RARS2: variants seen among roughly 807,000 people sequenced by gnomAD.
The protein encoded by RARS2 is arginyl-tRNA synthetase 2, mitochondrial.
A neutral mutation model predicts 88.5 loss-of-function variants in RARS2; 67 were observed. That is an observed-to-expected ratio of 0.76 (90% CI 0.62 to 0.93). The LOEUF (loss-of-function observed/expected upper bound fraction) is 0.93, where lower values mean the gene tolerates loss of function less well. Ranked by LOEUF, RARS2 falls within the 40% of genes least tolerant of loss-of-function variation. The pLI, the probability that RARS2 is intolerant of heterozygous loss-of-function variation, is 0.00. For missense variants in RARS2, 664 were observed against 684.2 expected (o/e 0.97, Z 0.33); for synonymous variants, 239 against 230.3 (o/e 1.04, Z -0.34).
Position 87,564,178 on chromosome 6 carries a change from G to A in RARS2, c.165C>T (p.Asp55=). Residue 55 remains aspartate, a synonymous_variant, in exon 3 of 20, where the codon GAC becomes GAT. Transcript: ENST00000369536. ...SVDSLLEKDN[D]HSRPDIQVQA... is the part of the protein sequence containing the mutation. ...GAACTTGAATATCTGGTCTTGAATG[G>A]TCATTGTCTTTTTCCAATAAAGAAT... is the stretch of plus-strand genomic sequence containing the variant. The A allele has an allele frequency of 6.2e-7, 1 of 1,613,678 alleles. No homozygotes were observed. Among genetic ancestry groups the A allele is most frequent in the Non-Finnish European group, 8.5e-7 (1 of 1,179,732 alleles).
chr6:87,514,619 C>T, intron 19 of RARS2, 120 bp from the exon 20 acceptor site: 1 of 872,342 alleles, frequency 1.1e-6, no homozygotes, highest in Non-Finnish European at 1.9e-6. Flanking sequence ...GTCAAAGTGC[C>T]CTAGAGTTAC....
chr6:87,560,992 T>C (rs1217833858), intron 4 of RARS2, among the ~76,000 whole-genome samples: 2 of 152,232 alleles, frequency 1.3e-5, no homozygotes, highest in Non-Finnish European at 2.9e-5. Context: ...TACAATTATG[T>C]ACAGTACATA....
At chr6:87,545,294 G>A (rs1252415609) in intron 7 of RARS2, among the ~76,000 whole-genome samples, 1 of 152,238 alleles carries the variant, frequency 6.6e-6, no homozygotes, top group Non-Finnish European at 1.5e-5. Context: ...ATGTTGCTCA[G>A]GCTGGTCTCA....
At chr6:87,544,038 G>T (rs1476536169) in intron 7 of RARS2, among the ~76,000 whole-genome samples, 1 of 152,206 alleles carries the variant, frequency 6.6e-6, no homozygotes, top group Non-Finnish European at 1.5e-5. Flanking sequence ...CTTTAACAGT[G>T]ATGGTTATAA....
chr6:87,531,615 T>C (rs1232630597), intron 8 of RARS2, among the ~76,000 whole-genome samples: 1 of 152,208 alleles, frequency 6.6e-6, no homozygotes, highest in African/African-American at 2.4e-5. Context: ...GCACCTCTTC[T>C]GGAGTTTTAT....
intron 4 of RARS2, among the ~76,000 whole-genome samples, chr6:87,556,394 C>G (rs1014056664): frequency 1.3e-5 from 2 of 152,100 alleles, no homozygotes; most frequent in African/African-American, 4.8e-5. Flanking sequence ...AAGCCTCAAT[C>G]AGACTCAAAC....
intron 7 of RARS2, among the ~76,000 whole-genome samples, chr6:87,545,209 G>A (rs529552300): frequency 1.6e-4 from 25 of 152,212 alleles, no homozygotes; most frequent in Non-Finnish European, 2.9e-4. Context: ...TCAGGCTTCC[G>A]AGTAGCTAGG....
intron 1 of RARS2, among the ~76,000 whole-genome samples, chr6:87,575,758 T>C (rs971167572): frequency 1.3e-4 from 19 of 151,746 alleles, no homozygotes; most frequent in Non-Finnish European, 2.2e-4. Context: ...ACACTACTGC[T>C]ATGGCACACC....
chr6:87,535,852 AT>A (rs111712008), intron 8 of RARS2, among the ~76,000 whole-genome samples: 40 of 145,068 alleles, frequency 2.8e-4, no homozygotes, highest in Non-Finnish European at 2.1e-4. Flanking sequence ...AATTATTTGT[AT>A]TTTTTTTTTT....
rs41273291 is a variant in RARS2 at position 87,518,926 on chromosome 6, A to G, written c.1238-35T>C. ...ACAAAGGCAGCTATCTTTAGTCTAC[A>G]TGACACTGTGCCAATCATGGATCCA... On this transcript the variant is annotated intron_variant, in intron 14 of 19. Coordinates refer to ENST00000369536, the MANE Select transcript of RARS2 (RefSeq NM_020320.5). The G allele has an allele frequency of 1.9e-4, 302 of 1,596,794 alleles. No homozygotes were observed. In the African/African-American group the frequency reaches 3.4e-3, roughly 18 times the overall value.
Position 87,542,091 on chromosome 6 carries a change from T to C in RARS2, c.536-97A>G, listed in dbSNP as rs976604875. The C allele has an allele frequency of 2.2e-5, 20 of 892,604 alleles. No homozygotes were observed. In the African/African-American group the frequency reaches 3.2e-4, roughly 14 times the overall value. The allele number at this position is 892,604 out of a possible 1,614,324, so 55.3% of individuals were successfully genotyped here. A position where few individuals can be genotyped will look rare whatever the true frequency, so the allele number is the denominator to read the frequency against. Reference sequence around the variant, plus strand: ...ATAATTCTATAAAAAGACCAACCTGTCATATTATGTATCCTGAGAAGTATT... The same window carrying C: ...ATAATTCTATAAAAAGACCAACCTGCCATATTATGTATCCTGAGAAGTATT... On this transcript the variant is annotated intron_variant, in intron 7 of 19. Coordinates refer to ENST00000369536, the MANE Select transcript of RARS2 (RefSeq NM_020320.5).
At chr6:87,566,833 G>A (rs977902813) in intron 2 of RARS2, among the ~76,000 whole-genome samples, 1 of 124,236 alleles carries the variant, frequency 8.0e-6, no homozygotes, top group Admixed American at 9.6e-5. Context: ...GCAACCAACA[G>A]AGCTAGGTCC....
chr6:87,515,259 C>T (rs1392051377), intron 18 of RARS2, among the ~76,000 whole-genome samples: 6 of 152,196 alleles, frequency 3.9e-5, no homozygotes, highest in Non-Finnish European at 5.9e-5. Context: ...CAGTGGCTCA[C>T]GCCTGTAATC....
intron 6 of RARS2, 69 bp downstream of exon 6, chr6:87,548,522 C>T: frequency 6.9e-7 from 1 of 1,456,820 alleles, no homozygotes; most frequent in Non-Finnish European, 9.5e-7. Flanking sequence ...AGCATTAAAA[C>T]ATTAAATTGA....
At chr6:87,537,842 A>G (rs1045044602) in intron 8 of RARS2, among the ~76,000 whole-genome samples, 2 of 152,218 alleles carry the variant, frequency 1.3e-5, no homozygotes, top group African/African-American at 2.4e-5. Context: ...TAGAATCACG[A>G]TCTCTGACTT....
At chr6:87,523,081 A>T (rs1192215627) in intron 11 of RARS2, among the ~76,000 whole-genome samples, 1 of 152,226 alleles carries the variant, frequency 6.6e-6, no homozygotes, top group Non-Finnish European at 1.5e-5. Flanking sequence ...ACAGTTGTAG[A>T]GCAGATTATC....
chr6:87,558,350 A>C (rs568103672), intron 4 of RARS2, among the ~76,000 whole-genome samples: 34 of 152,290 alleles, frequency 2.2e-4, no homozygotes, highest in Non-Finnish European at 7.3e-5. Flanking sequence ...GAAACCTAGG[A>C]GTCCCTAACA....
At chr6:87,518,365 G>C in intron 16 of RARS2, 101 bp from the exon 17 acceptor site, 1 of 1,584,738 alleles carries the variant, frequency 6.3e-7, no homozygotes, top group African/African-American at 1.3e-5. Flanking sequence ...CACAATTTTG[G>C]TCTCCTTAAT....
chr6:87,554,986 C>G (rs796122553), intron 5 of RARS2, among the ~76,000 whole-genome samples: 17 of 152,070 alleles, frequency 1.1e-4, no homozygotes, highest in African/African-American at 4.1e-4. Context: ...CGCCTGTAGT[C>G]CCAGCTACTC....
Sources: allele counts gnomAD v4.1 joint callset (sites outside exome capture counted in the v4.1 genomes callset), GRCh38; gene constraint gnomAD v4.1.1; transcripts MANE v1.5; gene names NCBI Gene and HGNC (gene_info 2026-07-23, HGNC 2026-07-21).